PIGZ: variants seen among roughly 807,000 people sequenced by gnomAD.
The protein encoded by PIGZ is GPI alpha-1,2-mannosyltransferase 4.
Under a neutral mutation model 16.4 loss-of-function variants are expected in PIGZ, and 16 were observed. The ratio of observed to expected loss-of-function variants is 0.97; its 90% CI spans 0.66 to 1.48. The LOEUF is 1.48. PIGZ is among the 40% of genes most tolerant of loss of function. The probability of loss-of-function intolerance (pLI) is 0.00; values close to 1 mark genes in which losing one functional copy is unlikely to be tolerated. For missense variants in PIGZ, 770 were observed against 739.2 expected, an observed-to-expected ratio of 1.04 and a Z score of -0.48; for synonymous variants, 409 against 338.4, an observed-to-expected ratio of 1.21 and a Z score of -2.29.
chr3:196,952,433 G>T (rs1402712686), intron 1 of PIGZ, among the ~76,000 whole-genome samples: 1 of 152,076 alleles, frequency 6.6e-6, no homozygotes, highest in African/African-American at 2.4e-5. Flanking sequence ...CTTTGTTGTG[G>T]TTTTTTTGTT....
chr3:196,948,755 C>T, intron 2 of PIGZ, 70 bp from the exon 3 acceptor site: 2 of 1,143,734 alleles, frequency 1.7e-6, no homozygotes, highest in Non-Finnish European at 2.4e-6. Context: ...TAGGAGGGCA[C>T]CCCACATTTC....
intron 1 of PIGZ, among the ~76,000 whole-genome samples, chr3:196,957,449 C>G (rs1470023655): frequency 2.0e-5 from 3 of 150,228 alleles, no homozygotes; most frequent in Non-Finnish European, 4.4e-5. Context: ...GTGGCATGAT[C>G]TCGGCTCACT....
chr3:196,954,279 T>C (rs1214901070), intron 1 of PIGZ, among the ~76,000 whole-genome samples: 1 of 150,450 alleles, frequency 6.6e-6, no homozygotes, highest in Non-Finnish European at 1.5e-5. Context: ...AGCAAGACTC[T>C]GTCTCAATCA....
At chr3:196,960,763 G>GAAAGAAAGAAAGAAAGAA (rs766748842) in intron 1 of PIGZ, among the ~76,000 whole-genome samples, 2 of 146,684 alleles carry the variant, frequency 1.4e-5, no homozygotes, top group Non-Finnish European at 3.0e-5. Flanking sequence ...AAGAAAGAAA[G>GAAAGAAAGAAAGAAAGAA]AAAAGAAAAC....
intron 1 of PIGZ, 99 bp from the exon 2 acceptor site, chr3:196,952,130 CAAT>C (rs1577886955): frequency 5.4e-6 from 6 of 1,110,202 alleles, no homozygotes; most frequent in Non-Finnish European, 5.2e-6. Flanking sequence ...ATAAAAATGA[CAAT>C]AATAATAATA....
At chr3:196,952,176 G>A (rs971133609) in intron 1 of PIGZ, 145 bp from the exon 2 acceptor site, 2 of 768,216 alleles carry the variant, frequency 2.6e-6, no homozygotes, top group African/African-American at 3.4e-5. Context: ...CTAACTGCCA[G>A]GCACGTGACA....
Position 196,948,471 on chromosome 3 carries a change from C to CCCGT in PIGZ, c.422_425dup (p.Ala143ArgfsTer40). Reference sequence around the variant, plus strand: ...TCGGCGGGGCCAGGTGGTACACGGCCCCGTCCAGAGCAAAGGAAAGGGCAG... The same window carrying CCCGT: ...TCGGCGGGGCCAGGTGGTACACGGCCCCGTCCGTCCAGAGCAAAGGAAAGGGCAG... On this transcript the variant is annotated frameshift_variant, in exon 3 of 3. Coordinates refer to ENST00000412723, the MANE Select transcript of PIGZ (RefSeq NM_025163.4). LOFTEE classifies it low-confidence loss of function (END_TRUNC). 6.2e-7 allele frequency: 1 copy of CCCGT among 1,613,872 alleles called. No individual in the cohort carries two copies. The highest frequency in any genetic ancestry group is 1.3e-5 in the African/African-American group (1 of 75,026).
chr3:196,950,744 C>CTTTTTTTTTTTTTTTTTTTTTTTTT (rs35150164), intron 2 of PIGZ, among the ~76,000 whole-genome samples: 3 of 145,602 alleles, frequency 2.1e-5, no homozygotes, highest in African/African-American at 5.1e-5. Context: ...CTTCATTAGA[C>CTTTTTTTTTTTTTTTTTTTTTTTTT]TTTTTTTTTT....
At chr3:196,948,876 C>CT (rs1553836716) in intron 2 of PIGZ, among the ~76,000 whole-genome samples, 191 bp from the exon 3 acceptor site, 1 of 59,604 alleles carries the variant, frequency 1.7e-5, no homozygotes, top group East Asian at 4.1e-4. Flanking sequence ...CCCTTCCTTC[C>CT]TTCCCTTCCT....
chr3:196,964,921 G>A (rs180775390), intron 1 of PIGZ, among the ~76,000 whole-genome samples: 3 of 152,190 alleles, frequency 2.0e-5, no homozygotes, highest in East Asian at 1.9e-4. Flanking sequence ...AAAAGGTAAC[G>A]GAACTACTAA....
Position 196,948,279 on chromosome 3 carries a change from C to T in PIGZ, c.618G>A (p.Ala206=), listed in dbSNP as rs758124065. The stretch of plus-strand genomic sequence containing the variant: ...GCCAGCTGCGCCACCGTGGACCCGG[C>T]GCCGGCTCCTTGCGTGTAGGGCCCC... ...VTWGPTRKEP[A]PGPRWRSWLL... Residue 206 remains alanine (A), a synonymous_variant, in exon 3 of 3, where the codon GCG becomes GCA. Coordinates refer to ENST00000412723, the MANE Select transcript of PIGZ (RefSeq NM_025163.4). The T allele has an allele frequency of 2.0e-5, 32 of 1,614,084 alleles. No individual in the cohort carries two copies. The highest frequency in any genetic ancestry group is 2.5e-5 in the Non-Finnish European group (30 of 1,179,982).
At chr3:196,964,737 T>C (rs904398135) in intron 1 of PIGZ, among the ~76,000 whole-genome samples, 4 of 152,124 alleles carry the variant, frequency 2.6e-5, no homozygotes, top group African/African-American at 4.8e-5. Context: ...TATAACCCTA[T>C]CCTTTTTTTT....
chr3:196,958,266 G>A (rs756955431), intron 1 of PIGZ, among the ~76,000 whole-genome samples: 3 of 151,828 alleles, frequency 2.0e-5, no homozygotes, highest in Non-Finnish European at 4.4e-5. Flanking sequence ...CAAAATTGTT[G>A]TAGAAAAAGT....
intron 1 of PIGZ, among the ~76,000 whole-genome samples, chr3:196,967,186 G>A (rs115783596): frequency 9.1e-4 from 139 of 152,172 alleles, no homozygotes; most frequent in African/African-American, 3.2e-3. Flanking sequence ...CACTGCTCCC[G>A]CCAGCCGCGG....
Position 196,948,372 on chromosome 3 carries a change from G to A in PIGZ, c.525C>T (p.Thr175=). The A allele has an allele frequency of 3.1e-6, 5 of 1,614,222 alleles. No individual in the cohort carries two copies. The highest frequency in any genetic ancestry group is 1.1e-5 in the South Asian group (1 of 91,084). The stretch of plus-strand genomic sequence containing the variant: ...GGAGTCCCTCAATGGTGTTGGAGAA[G>A]GTCCTTGTGTAGAAGACCAGGGTGA... ...SYVTLVFYTR[T]FSNTIEGLLF... The change falls in exon 3 of 3, where the codon ACC becomes ACT. Residue 175 remains threonine, a synonymous_variant. Transcript: ENST00000412723.
intron 2 of PIGZ, 86 bp downstream of exon 2, chr3:196,951,735 T>G: frequency 7.7e-7 from 1 of 1,303,750 alleles, no homozygotes; most frequent in South Asian, 1.3e-5. Context: ...TACCCAGACA[T>G]GCTACTCCCT....
chr3:196,951,549 T>A (rs1717283029), intron 2 of PIGZ: 1 of 509,360 alleles, frequency 2.0e-6, no homozygotes, highest in South Asian at 2.1e-5. Context: ...ACAGCTCTCA[T>A]TCTGAATGAC....
Position 196,946,909 on chromosome 3 carries a change from CG to C in PIGZ, c.*247del. 2.2e-6 allele frequency: 1 copy of C among 445,926 alleles called. No individual in the cohort carries two copies. The highest frequency in any genetic ancestry group is 4.0e-6 in the Non-Finnish European group (1 of 251,810). The allele number at this position is 445,926 out of a possible 1,614,324, so 27.6% of individuals were successfully genotyped here. ...CAACAGGGCAGGAACAGACAGGTGT[CG>C]TCACTTAACCTGGTCTTTGGGGACC... On this transcript the variant is annotated 3_prime_UTR_variant, in exon 3 of 3. Coordinates refer to ENST00000412723, the MANE Select transcript of PIGZ (RefSeq NM_025163.4).
rs2108920980 is a variant in PIGZ, at chr3:196,965,019, C to T, written c.-1+3668G>A. Reference sequence around the variant, plus strand: ...TAGGCTTCTGTACCTGCTTCAAACACAGGGCAGCCCAAAAGAACTCATCAC... The same window carrying T: ...TAGGCTTCTGTACCTGCTTCAAACATAGGGCAGCCCAAAAGAACTCATCAC... On this transcript the variant is annotated intron_variant, in intron 1 of 2. Coordinates refer to ENST00000412723, the MANE Select transcript of PIGZ (RefSeq NM_025163.4). This position sits in a 1 kb window ranked among gnomAD's most constrained non-coding sequence, Gnocchi z 4.2. Among the ~76,000 whole-genome samples the T allele has an allele frequency of 6.6e-6, 1 of 152,304 alleles. No homozygotes were observed. The highest frequency in any genetic ancestry group is 1.9e-4 in the East Asian group (1 of 5,178).
Sources: allele counts gnomAD v4.1 joint callset (sites outside exome capture counted in the v4.1 genomes callset), GRCh38; gene constraint gnomAD v4.1.1; non-coding constraint Gnocchi (gnomAD v3.1); transcripts MANE v1.5; gene names NCBI Gene and HGNC (gene_info 2026-07-23, HGNC 2026-07-21).